The following B4GALT4 variants were observed in gnomAD, a reference collection of about 807,000 sequenced individuals.
B4GALT4 encodes beta-1,4-galactosyltransferase 4, also known as N-acetyllactosamine synthase.
Under a neutral mutation model 37.3 loss-of-function variants are expected in B4GALT4, and 27 were observed. The ratio of observed to expected loss-of-function variants is 0.72; its 90% confidence interval spans 0.53 to 1.00. The LOEUF (loss-of-function observed/expected upper bound fraction) is 1.00. Ranked by LOEUF, B4GALT4 falls within the 50% of genes least tolerant of loss-of-function variation. The probability of loss-of-function intolerance (pLI) is 0.00; values close to 1 mark genes in which losing one functional copy is unlikely to be tolerated. For missense variants in B4GALT4, 372 were observed against 413.1 expected (o/e 0.90, Z 0.86); for synonymous variants, 148 against 154.1 (o/e 0.96, Z 0.29).
chr3:119,224,344 T>C (rs1316667548), intron 4 of B4GALT4, 99 bp from the exon 5 acceptor site: 5 of 835,944 alleles, frequency 6.0e-6, no homozygotes, highest in South Asian at 2.3e-5. Context: ...ATTCTAATTA[T>C]TCTACGCACG....
At chr3:119,240,760 C>T (rs2079136916) in intron 1 of B4GALT4, 90 bp downstream of exon 1, 2 of 152,276 alleles carry the variant, frequency 1.3e-5, no homozygotes, top group East Asian at 1.9e-4. Flanking sequence ...AGCCCTGGGA[C>T]TGACCCCGGC....
In B4GALT4 at chr3:119,230,008, C is replaced by G. The variant is rs759742274; in HGVS notation, c.92G>C (p.Ser31Thr). 2.3e-5 allele frequency: 37 copies of G among 1,614,076 alleles called. No individual in the cohort carries two copies. Among genetic ancestry groups the G allele is most frequent in the Non-Finnish European group, 3.1e-5 (37 of 1,180,038 alleles). Reference protein sequence around the residue: ...LCLTVVGWATSNYFVGAIQEI... With the variant: ...LCLTVVGWATTNYFVGAIQEI... The stretch of plus-strand genomic sequence containing the variant: ...TTGAATGGCACCCACGAAGTAGTTA[C>G]TGGTGGCCCACCCAACCACTGTCAG... The change falls in exon 3 of 8, where the codon AGT (serine) becomes ACT (threonine). Residue 31 changes from serine to threonine, a missense_variant. Coordinates refer to ENST00000393765, the MANE Select transcript of B4GALT4 (RefSeq NM_003778.4).
chr3:119,228,313 ACTCT>A (rs959500194), intron 3 of B4GALT4, among the ~76,000 whole-genome samples: 2 of 151,658 alleles, frequency 1.3e-5, no homozygotes, highest in Non-Finnish European at 2.9e-5. Flanking sequence ...GCTTCCACTT[ACTCT>A]CTATCAGTCT....
chr3:119,218,530 C>G (rs1331599370), intron 6 of B4GALT4, 120 bp downstream of exon 6: 1 of 1,434,142 alleles, frequency 7.0e-7, no homozygotes, highest in Admixed American at 2.0e-5. Flanking sequence ...ACCCTTCAAG[C>G]CCAAATCTGC....
chr3:119,217,927 C>A (rs867194458), intron 6 of B4GALT4, among the ~76,000 whole-genome samples: 2 of 151,878 alleles, frequency 1.3e-5, no homozygotes, highest in Non-Finnish European at 2.9e-5. Flanking sequence ...CCCAGAATGG[C>A]CTTGTGATTA....
intron 3 of B4GALT4, among the ~76,000 whole-genome samples, chr3:119,229,149 G>A (rs772306591): frequency 5.9e-5 from 9 of 152,202 alleles, no homozygotes; most frequent in Non-Finnish European, 1.2e-4. Flanking sequence ...TACAACAGAT[G>A]TGACCCCACT....
At chr3:119,231,008 T>A (rs2078796638) in intron 2 of B4GALT4, among the ~76,000 whole-genome samples, 1 of 152,190 alleles carries the variant, frequency 6.6e-6, no homozygotes, top group African/African-American at 2.4e-5. Context: ...ATAAAAATAG[T>A]ATCTACCTAG....
intron 5 of B4GALT4, 95 bp from the exon 6 acceptor site, chr3:119,218,867 T>C: frequency 6.9e-7 from 1 of 1,449,906 alleles, no homozygotes. Context: ...GGAGACCATG[T>C]ACTTCCACCC....
intron 1 of B4GALT4, among the ~76,000 whole-genome samples, chr3:119,238,613 ATTATTAGATATTATTCATCTC>A (rs2079055807): frequency 6.6e-6 from 1 of 152,204 alleles, no homozygotes; most frequent in African/African-American, 2.4e-5. Flanking sequence ...TAACTGTTCT[ATTATTAGATATTATTCATCTC>A]TTACTGTGCC....
chr3:119,235,375 G>T (rs1174986601), intron 2 of B4GALT4: 1 of 152,236 alleles, frequency 6.6e-6, no homozygotes, highest in Non-Finnish European at 1.5e-5. Context: ...CAAGGAGAAA[G>T]GGTGTGTTCA....
At chr3:119,222,605 A>G (rs1325524838) in intron 5 of B4GALT4, among the ~76,000 whole-genome samples, 1 of 152,144 alleles carries the variant, frequency 6.6e-6, no homozygotes, top group Non-Finnish European at 1.5e-5. Flanking sequence ...TATCAGACTA[A>G]AGAAGGCCTG....
At chr3:119,233,514 T>C (rs2078889236) in intron 2 of B4GALT4, among the ~76,000 whole-genome samples, 1 of 152,180 alleles carries the variant, frequency 6.6e-6, no homozygotes, top group Admixed American at 6.5e-5. Flanking sequence ...TGTGGGTTCC[T>C]CAGGGCTGAC....
intron 1 of B4GALT4, chr3:119,240,435 T>C (rs564639962): frequency 6.6e-6 from 1 of 152,280 alleles, no homozygotes; most frequent in Non-Finnish European, 1.5e-5. Flanking sequence ...GTTTCCCCGT[T>C]GAAACGCTGG....
rs77265806 is a variant in B4GALT4 at position 119,217,367 on chromosome 3, C to T, written c.798-1023G>A. 7.1e-3 allele frequency among the ~76,000 whole-genome samples: 1,085 copies of T among 152,316 alleles called. 11 individuals carry two copies. The highest frequency in any genetic ancestry group is 0.025 in the African/African-American group (1,052 of 41,556). On this transcript the variant is annotated intron_variant, in intron 6 of 7. Coordinates refer to ENST00000393765, the MANE Select transcript of B4GALT4 (RefSeq NM_003778.4). ...TGTGAAGAGCTGTTGCCCATCACTA[C>T]GGCCATTTCTGTAGAGCCCCTGGTC...
rs750332406 is a variant in B4GALT4 at position 119,227,076 on chromosome 3, G to C, written c.254-35C>G. 5 of 1,586,220 alleles carry C rather than the reference G, an allele frequency of 3.2e-6. No individual in the cohort carries two copies. The East Asian group carries it at 1.1e-4, about 36-fold the overall frequency. On this transcript the variant is annotated intron_variant, in intron 3 of 7. Transcript: ENST00000393765. ...ACATAGGACACAGACAATAACAGTA[G>C]CTACTTCAAAAAGTGTTGAGGTTTA...
chr3:119,228,368 C>A (rs1180591181), intron 3 of B4GALT4, among the ~76,000 whole-genome samples: 2 of 152,172 alleles, frequency 1.3e-5, no homozygotes, highest in Non-Finnish European at 2.9e-5. Flanking sequence ...TCAAGATCTG[C>A]CCCTCCTTGG....
chr3:119,224,292 T>G (rs2078534756), intron 4 of B4GALT4, 47 bp from the exon 5 acceptor site: 2 of 1,466,470 alleles, frequency 1.4e-6, no homozygotes, highest in Non-Finnish European at 1.8e-6. Context: ...AGATAAAGTT[T>G]CATATTGTTT....
intron 6 of B4GALT4, among the ~76,000 whole-genome samples, chr3:119,217,849 A>T (rs1302955321): frequency 6.6e-6 from 1 of 151,052 alleles, no homozygotes; most frequent in Non-Finnish European, 1.5e-5. Flanking sequence ...TCTCAAAAAA[A>T]AAAAAAAAAA....
At chr3:119,233,498 C>A (rs1178234105) in intron 2 of B4GALT4, among the ~76,000 whole-genome samples, 2 of 152,100 alleles carry the variant, frequency 1.3e-5, no homozygotes, top group Non-Finnish European at 2.9e-5. Flanking sequence ...GCCAACTTTT[C>A]CAATATGTGG....
Sources: allele counts gnomAD v4.1 joint callset (sites outside exome capture counted in the v4.1 genomes callset), GRCh38; gene constraint gnomAD v4.1.1; transcripts MANE v1.5; gene names NCBI Gene and HGNC (gene_info 2026-07-23, HGNC 2026-07-21).